The following PPAT variants were observed in gnomAD, a reference collection of about 807,000 sequenced individuals.
The protein encoded by PPAT is amidophosphoribosyltransferase.
A neutral mutation model predicts 60.2 loss-of-function variants in PPAT; 20 were observed. The ratio of observed to expected loss-of-function variants is 0.33; its 90% CI spans 0.23 to 0.48. The LOEUF is 0.48. Ranked by LOEUF, PPAT falls within the 20% of genes least tolerant of loss-of-function variation. The probability of loss-of-function intolerance (pLI) is 0.99; values close to 1 mark genes in which losing one functional copy is unlikely to be tolerated. For missense variants in PPAT, 349 were observed against 629.6 expected (o/e 0.55, Z 4.77); for synonymous variants, 194 against 215.1 (o/e 0.90, Z 0.86).
chr4:56,432,552 A>G (rs1211524701), intron 1 of PPAT, among the ~76,000 whole-genome samples: 4 of 150,246 alleles, frequency 2.7e-5, no homozygotes, highest in East Asian at 2.0e-4. Flanking sequence ...AAGGGAGGCC[A>G]AGGCGGGCAG....
chr4:56,397,741 T>G (rs1163385734), intron 9 of PPAT, among the ~76,000 whole-genome samples: 1 of 152,066 alleles, frequency 6.6e-6, no homozygotes, highest in Non-Finnish European at 1.5e-5. Flanking sequence ...AAAAAAATTT[T>G]TTTCAAGACA....
intron 1 of PPAT, among the ~76,000 whole-genome samples, chr4:56,432,525 CA>C (rs34998854): frequency 0.019 from 1,408 of 75,360 alleles, 3 homozygotes; most frequent in Non-Finnish European, 0.028. Context: ...GACCCTGTCT[CA>C]AAAAAAAAAA....
intron 1 of PPAT, among the ~76,000 whole-genome samples, chr4:56,428,107 C>A (rs1717388295): frequency 6.6e-6 from 1 of 152,204 alleles, no homozygotes; most frequent in African/African-American, 2.4e-5. Flanking sequence ...TGAATATGGA[C>A]ACAAAATTTC....
At chr4:56,429,039 C>G (rs1161711657) in intron 1 of PPAT, 14 of 646,504 alleles carry the variant, frequency 2.2e-5, no homozygotes, top group Non-Finnish European at 2.7e-5. Flanking sequence ...TTCTTCCACA[C>G]AGTGGAAACA....
intron 1 of PPAT, among the ~76,000 whole-genome samples, chr4:56,417,643 G>A (rs1039090630): frequency 1.3e-5 from 2 of 152,052 alleles, no homozygotes; most frequent in African/African-American, 4.8e-5. Context: ...TAGTCCAGGT[G>A]CAGTCAGTGG....
At position 56,393,776 on chromosome 4, in the gene PPAT, C is replaced by G. The variant is rs1321072159; in HGVS notation, c.*1576G>C. On this transcript the variant is annotated 3_prime_UTR_variant, in exon 11 of 11. Coordinates refer to ENST00000264220, the MANE Select transcript of PPAT (RefSeq NM_002703.5). The stretch of plus-strand genomic sequence containing the variant: ...AAAGTAAGGCCAGTTCAAAATTGAC[C>G]CACAGGTCTTGCCTCCTCCATGCTG... 1 of 152,508 alleles carries G rather than the reference C, an allele frequency of 6.6e-6. No homozygotes were observed. Among genetic ancestry groups the G allele is most frequent in the African/African-American group, 2.4e-5 (1 of 41,402 alleles). The allele number at this position is 152,508 out of a possible 1,614,324, so 9.4% of individuals were successfully genotyped here.
intron 6 of PPAT, among the ~76,000 whole-genome samples, chr4:56,401,794 T>C (rs1310035052): frequency 1.3e-5 from 2 of 152,146 alleles, no homozygotes; most frequent in African/African-American, 2.4e-5. Context: ...CTATCTCTCA[T>C]TGAGGAAGTT....
At position 56,399,347 on chromosome 4, in the gene PPAT, G is replaced by A; in HGVS notation, c.1068C>T (p.Thr356=). 6.2e-7 allele frequency: 1 copy of A among 1,613,966 alleles called. No individual in the cohort carries two copies. Among genetic ancestry groups the A allele is most frequent in the Non-Finnish European group, 8.5e-7 (1 of 1,179,938 alleles). Residue 356 remains threonine (T), a synonymous_variant, in exon 9 of 11, where the codon ACC becomes ACT. Transcript: ENST00000264220. ...TTAACCTCATGTTTGGCTGAATGAA[G>A]GTTCTCCCTACATACCGGTTTTTAC... is the stretch of plus-strand genomic sequence containing the variant. ...VLCKNRYVGR[T]FIQPNMRLRQ...
chr4:56,402,542 C>T (rs780540239), intron 5 of PPAT, among the ~76,000 whole-genome samples: 18 of 152,160 alleles, frequency 1.2e-4, no homozygotes, highest in African/African-American at 1.7e-4. Context: ...TCCAGCCAGG[C>T]GTGGTGGCTC....
At position 56,435,567 on chromosome 4, in the gene PPAT, G is replaced by A. The variant is rs60097571; in HGVS notation, c.-90C>T. The A allele has an allele frequency of 1.7e-5, 27 of 1,592,860 alleles. No homozygotes were observed. The African/African-American group carries it at 2.9e-4, about 17-fold the overall frequency. On this transcript the variant is annotated 5_prime_UTR_variant, in exon 1 of 11. Coordinates refer to ENST00000264220, the MANE Select transcript of PPAT (RefSeq NM_002703.5). ...CCAGCTCGGCCCGTCGAGCTCAGAA[G>A]CTCGCGCTCGCGACAGGCTCTTCCT...
At chr4:56,415,646 C>T (rs1435827388) in intron 1 of PPAT, among the ~76,000 whole-genome samples, 1 of 152,126 alleles carries the variant, frequency 6.6e-6, no homozygotes, top group East Asian at 1.9e-4. Context: ...GCTATTTGAT[C>T]ATACATGCCA....
chr4:56,401,968 G>T, intron 6 of PPAT, 141 bp downstream of exon 6: 1 of 604,260 alleles, frequency 1.7e-6, no homozygotes, highest in Non-Finnish European at 2.8e-6. Flanking sequence ...AGCATAACAT[G>T]CATAAGAAAA....
chr4:56,406,303 G>C (rs771627205), intron 3 of PPAT, among the ~76,000 whole-genome samples, 192 bp downstream of exon 3: 51 of 152,054 alleles, frequency 3.4e-4, no homozygotes, highest in Non-Finnish European at 5.7e-4. Context: ...CCCTTGTCTC[G>C]AACTCTAGGG....
At position 56,435,227 on chromosome 4, in the gene PPAT, A is replaced by G. The variant is rs1717835709; in HGVS notation, c.128+123T>C. 7.1e-6 allele frequency: 10 copies of G among 1,405,214 alleles called. No homozygotes were observed. The East Asian group carries it at 2.1e-4, about 29-fold the overall frequency. The allele number at this position is 1,405,214 out of a possible 1,614,324, so 87.0% of individuals were successfully genotyped here. The stretch of plus-strand genomic sequence containing the variant: ...AACCCGGTCGACGCCACAGGCAGGT[A>G]CTGGCTTAGGTCGGAGAGGTCGGTC... On this transcript the variant is annotated intron_variant, in intron 1 of 10. Coordinates refer to ENST00000264220, the MANE Select transcript of PPAT (RefSeq NM_002703.5).
At chr4:56,420,767 A>T (rs1716999342) in intron 1 of PPAT, 1 of 152,222 alleles carries the variant, frequency 6.6e-6, no homozygotes, top group South Asian at 2.1e-4. Flanking sequence ...CTTTCTTAGA[A>T]GTAGTACATT....
At chr4:56,420,061 A>T (rs1716960876) in intron 1 of PPAT, 2 of 930,306 alleles carry the variant, frequency 2.1e-6, no homozygotes, top group Non-Finnish European at 2.6e-6. Flanking sequence ...AGGAAGGTGA[A>T]GAAAAATAAT....
chr4:56,414,133 G>A (rs1716602994), intron 1 of PPAT: 1 of 152,076 alleles, frequency 6.6e-6, no homozygotes, highest in South Asian at 2.1e-4. Context: ...AATTTTTAAG[G>A]TAATCAAAGT....
intron 2 of PPAT, 129 bp downstream of exon 2, chr4:56,407,521 T>C: frequency 4.6e-6 from 3 of 657,848 alleles, no homozygotes; most frequent in Non-Finnish European, 8.2e-6. Context: ...TTTCTCCATG[T>C]TGGTCAGGCT....
chr4:56,413,273 C>T (rs868721347), intron 1 of PPAT, among the ~76,000 whole-genome samples: 3 of 152,192 alleles, frequency 2.0e-5, no homozygotes, highest in Admixed American at 1.3e-4. Context: ...TCTCCTGCCT[C>T]AGCCTCCTGA....
Sources: gnomAD v4.1 joint callset for allele counts (sites outside exome capture counted in the v4.1 genomes callset) on GRCh38, gnomAD v4.1.1 for gene constraint, MANE v1.5 for transcripts, NCBI Gene and HGNC (gene_info 2026-07-23, HGNC 2026-07-21) for gene names.